KRIT1: variants seen among roughly 807,000 people sequenced by gnomAD.
The protein encoded by KRIT1 is KRIT1 ankyrin repeat containing, also known as krev interaction trapped protein 1.
A neutral mutation model predicts 95.8 loss-of-function variants in KRIT1; 45 were observed. The observed-to-expected ratio is 0.47, with a 90% confidence interval of 0.37 to 0.60. KRIT1 has a LOEUF of 0.60. KRIT1 is among the 20% of genes least tolerant of loss of function. The pLI is 0.00. For missense variants in KRIT1, 788 were observed against 877.5 expected, an observed-to-expected ratio of 0.90 and a Z score of 1.29; for synonymous variants, 282 against 278.8, an observed-to-expected ratio of 1.01 and a Z score of -0.11.
intron 8 of KRIT1, 57 bp downstream of exon 8, chr7:92,235,346 A>G: frequency 1.3e-6 from 2 of 1,567,086 alleles, no homozygotes; most frequent in East Asian, 2.2e-5. Context: ...AGGAAAAAAA[A>G]TTACACTTGA....
chr7:92,241,115 T>C lies in KRIT1; in HGVS notation c.140A>G (p.Lys47Arg). The C allele has an allele frequency of 1.2e-6, 2 of 1,611,406 alleles. No individual in the cohort carries two copies. The highest frequency in any genetic ancestry group is 2.2e-5 in the South Asian group (2 of 91,014). ...TTCCAATAAAACTTTCTTTCTCTTTTTTTTCTGTCCTTCAATGGGAACTTC... is the reference window on the plus strand; with the variant it reads ...TTCCAATAAAACTTTCTTTCTCTTTCTTTTCTGTCCTTCAATGGGAACTTC... ...LHEVPIEGQK[K>R]KRKKVLLETK... is the part of the protein sequence containing the mutation. Residue 47 changes from lysine to arginine, a missense_variant, in exon 5 of 19, where the codon AAA becomes AGA. Physicochemically the swap from Lys to Arg is conservative, Grantham distance 26. Around this residue, in one of 3 missense-constraint regions of KRIT1, gnomAD observed 289 missense variants for 277.5 expected, o/e 1.04. Transcript: ENST00000394505.
chr7:92,218,195 G>T (rs1200495982), intron 14 of KRIT1, among the ~76,000 whole-genome samples: 2 of 151,800 alleles, frequency 1.3e-5, no homozygotes, highest in African/African-American at 2.4e-5. Flanking sequence ...AGAACCACAG[G>T]TGTGTGCCAC....
intron 10 of KRIT1, 80 bp from the exon 11 acceptor site, chr7:92,226,762 T>C: frequency 2.9e-6 from 4 of 1,362,182 alleles, no homozygotes; most frequent in Non-Finnish European, 4.1e-6. Flanking sequence ...TTTTTAAAAA[T>C]CCAAATTTTA....
chr7:92,200,576 C>T lies in KRIT1; in HGVS notation c.*160G>A. On this transcript the variant is annotated 3_prime_UTR_variant, in exon 19 of 19. Transcript: ENST00000394505. ...CCATGTTGGCCAGGCTGGTCTTGAA[C>T]TCTGACTTCAGGTGATCCGCCTGCC... 3.1e-6 allele frequency: 2 copies of T among 653,856 alleles called. No individual in the cohort carries two copies. 40.5% of individuals were successfully genotyped at this position (653,856 alleles called of 1,614,324 possible). A position where few individuals can be genotyped will look rare whatever the true frequency, so the allele number is the denominator to read the frequency against.
chr7:92,243,784 A>G (rs1800225432), intron 3 of KRIT1, among the ~76,000 whole-genome samples: 1 of 152,122 alleles, frequency 6.6e-6, no homozygotes, highest in African/African-American at 2.4e-5. Flanking sequence ...AATAATTTAA[A>G]TACTTTTCAA....
At chr7:92,213,460 G>A (rs1793317233) in intron 16 of KRIT1, 59 bp from the exon 17 acceptor site, 3 of 1,146,032 alleles carry the variant, frequency 2.6e-6, no homozygotes, top group Non-Finnish European at 3.9e-6. Context: ...ATGTACCATT[G>A]ATAATCCAAA....
At chr7:92,230,103 T>C (rs2131580730) in intron 10 of KRIT1, among the ~76,000 whole-genome samples, 1 of 152,282 alleles carries the variant, frequency 6.6e-6, no homozygotes, top group Non-Finnish European at 1.5e-5. Context: ...ACATACATTT[T>C]GTATGGTGCT....
At chr7:92,202,684 G>C (rs1027435711) in intron 17 of KRIT1, among the ~76,000 whole-genome samples, 1 of 152,128 alleles carries the variant, frequency 6.6e-6, no homozygotes, top group African/African-American at 2.4e-5. Flanking sequence ...CCGAGGTCAC[G>C]CTACTGCACT....
chr7:92,233,294 C>T (rs1267197241), intron 10 of KRIT1, among the ~76,000 whole-genome samples: 1 of 151,814 alleles, frequency 6.6e-6, no homozygotes, highest in Non-Finnish European at 1.5e-5. Flanking sequence ...TGATCTACTG[C>T]ATTTTATATA....
chr7:92,208,586 T>C (rs573441814), intron 17 of KRIT1, among the ~76,000 whole-genome samples: 2 of 152,130 alleles, frequency 1.3e-5, no homozygotes, highest in East Asian at 1.9e-4. Context: ...GGACCAATGA[T>C]AGGCTAACAA....
rs1308351090 is a variant in KRIT1 at position 92,200,110 on chromosome 7, C to A, written c.*626G>T. ...TTATACCAAAGCTACATTTTAATCTCATCACATTCCACCCCAAATTCCTTA... is the reference window on the plus strand; with the variant it reads ...TTATACCAAAGCTACATTTTAATCTAATCACATTCCACCCCAAATTCCTTA... On this transcript the variant is annotated 3_prime_UTR_variant, in exon 19 of 19. Transcript: ENST00000394505. 3 of 152,850 alleles carry A rather than the reference C, an allele frequency of 2.0e-5. No individual in the cohort carries two copies. The highest frequency in any genetic ancestry group is 2.0e-4 in the Admixed American group (3 of 15,290). 9.5% of individuals were successfully genotyped at this position (152,850 alleles called of 1,614,324 possible).
At chr7:92,241,761 T>C (rs796225862) in intron 4 of KRIT1, among the ~76,000 whole-genome samples, 17 of 152,298 alleles carry the variant, frequency 1.1e-4, no homozygotes, top group African/African-American at 3.8e-4. Context: ...GTTTTTAATT[T>C]TTGAGAGCCA....
At chr7:92,236,017 A>G (rs980280829) in intron 7 of KRIT1, 1 of 242,346 alleles carries the variant, frequency 4.1e-6, no homozygotes, top group African/African-American at 2.3e-5. Flanking sequence ...CCTTTCAAAA[A>G]ACATAAAAGT....
intron 17 of KRIT1, among the ~76,000 whole-genome samples, chr7:92,211,454 G>T (rs962081125): frequency 1.5e-4 from 23 of 152,156 alleles, no homozygotes; most frequent in African/African-American, 5.6e-4. Context: ...TCATATACGT[G>T]AGACGTTGAT....
intron 1 of KRIT1, 53 bp downstream of exon 1, chr7:92,245,725 TCCCCCGCGCTCC>T (rs1800836022): frequency 6.6e-6 from 1 of 152,312 alleles, no homozygotes; most frequent in South Asian, 2.0e-4. Flanking sequence ...TCTTGAGGGT[TCCCCCGCGCTCC>T]CACCCGCGCC....
chr7:92,209,293 C>T (rs1296683771), intron 17 of KRIT1, among the ~76,000 whole-genome samples: 1 of 152,120 alleles, frequency 6.6e-6, no homozygotes, highest in African/African-American at 2.4e-5. Flanking sequence ...TAGAATAAGA[C>T]AAGGATACCC....
At chr7:92,224,213 CTGGAGAGGCTTAGGTAAA>C (rs1469708630) in intron 12 of KRIT1, among the ~76,000 whole-genome samples, 30 of 152,182 alleles carry the variant, frequency 2.0e-4, no homozygotes, top group African/African-American at 7.2e-4. Context: ...TGGTTAATGC[CTGGAGAGGCTTAGGTAAA>C]TGGGTTATAT....
At chr7:92,222,267 A>C (rs1361643203) in intron 13 of KRIT1, among the ~76,000 whole-genome samples, 1 of 152,170 alleles carries the variant, frequency 6.6e-6, no homozygotes, top group Admixed American at 6.5e-5. Context: ...ATTCTTACAT[A>C]AAATTTATCA....
chr7:92,228,543 ATTTG>A lies in KRIT1; in HGVS notation c.990-1865_990-1862del, dbSNP rs551848754. Among the ~76,000 whole-genome samples the A allele has an allele frequency of 8.6e-5, 13 of 151,168 alleles. No homozygotes were observed. In the South Asian group the frequency reaches 2.3e-3, roughly 27 times the overall value. On this transcript the variant is annotated intron_variant, in intron 10 of 18. Coordinates refer to ENST00000394505, the MANE Select transcript of KRIT1 (RefSeq NM_194454.3). The stretch of plus-strand genomic sequence containing the variant: ...TTTCATCCTACACCTTACTCAGGTG[ATTTG>A]TTTTACTCAGGTGATTTGTTTTGCT...
Sources: allele counts gnomAD v4.1 joint callset (sites outside exome capture counted in the v4.1 genomes callset), GRCh38; gene constraint gnomAD v4.1.1; regional missense constraint gnomAD v4.1.1; transcripts MANE v1.5; gene names NCBI Gene and HGNC (gene_info 2026-07-23, HGNC 2026-07-21).